The following OPA3 variants were observed in gnomAD, a reference collection of about 807,000 sequenced individuals.
OPA3 encodes the protein optic atrophy 3 protein.
In OPA3, 6 loss-of-function variants were observed where a neutral mutation model predicts 4.0. The observed-to-expected ratio is 1.51, with a 90% CI of 0.83 to 2.99. The LOEUF (loss-of-function observed/expected upper bound fraction) is 2.99. Among genes scored for constraint, OPA3 ranks in the 30% most tolerant of loss-of-function variants. The pLI is 0.00. For synonymous variants in OPA3, 105 were observed against 117.1 expected (o/e 0.90, Z 0.67); for missense variants, 235 against 256.2 (o/e 0.92, Z 0.56).
intron 1 of OPA3, among the ~76,000 whole-genome samples, chr19:45,541,115 C>G (rs933245103): frequency 1.3e-5 from 2 of 152,162 alleles, no homozygotes; most frequent in Non-Finnish European, 2.9e-5. Context: ...TCTCCCACAA[C>G]CAGAAGGCTG....
intron 1 of OPA3, among the ~76,000 whole-genome samples, chr19:45,565,167 G>A (rs1436890684): frequency 1.3e-5 from 2 of 152,166 alleles, no homozygotes; most frequent in African/African-American, 2.4e-5. Context: ...CTGGGAGGCG[G>A]AGGTTGCAGT....
At chr19:45,572,550 A>C (rs971903200) in intron 1 of OPA3, among the ~76,000 whole-genome samples, 1 of 109,974 alleles carries the variant, frequency 9.1e-6, no homozygotes, top group African/African-American at 2.9e-5. Flanking sequence ...TGATATATAT[A>C]TCATATATGG....
chr19:45,564,952 C>A (rs1442459079), intron 1 of OPA3, among the ~76,000 whole-genome samples: 2 of 152,084 alleles, frequency 1.3e-5, no homozygotes, highest in African/African-American at 4.8e-5. Context: ...CTCGGCCGGG[C>A]GTGGTGGCTC....
At chr19:45,581,552 G>C (rs2122521570) in intron 1 of OPA3, among the ~76,000 whole-genome samples, 1 of 152,340 alleles carries the variant, frequency 6.6e-6, no homozygotes, top group Middle Eastern at 3.4e-3. Flanking sequence ...GGAATTCCTT[G>C]AGGGCACAGA....
At position 45,529,285 on chromosome 19, in the gene OPA3, T is replaced by G. The variant is rs751841657; in HGVS notation, c.314A>C (p.Gln105Pro). 9.3e-6 allele frequency: 15 copies of G among 1,613,902 alleles called. No individual in the cohort carries two copies. In the East Asian group the frequency reaches 3.1e-4, roughly 34 times the overall value. ...CTTTTCCTTGCGGCGCTGCTGCAAC[T>G]GGTGGCGCCAATACTCCAGCATCAG... Residue 105 changes from glutamine to proline, a missense_variant, in exon 2 of 2, where the codon CAG becomes CCG. Gln to Pro is a moderately conservative substitution (Grantham distance 76, BLOSUM62 -1). Coordinates refer to the OPA3 transcript ENST00000323060.
chr19:45,529,663 A>T (rs1017179403), intron 1 of OPA3, among the ~76,000 whole-genome samples: 11 of 152,216 alleles, frequency 7.2e-5, no homozygotes, highest in Non-Finnish European at 1.6e-4. Flanking sequence ...TGACTTACTC[A>T]TGTGAAGGTG....
rs1051853456 is a variant in OPA3, at chr19:45,531,172, A to G, written c.143-1716T>C. On this transcript the variant is annotated intron_variant, in intron 1 of 1. Coordinates refer to the OPA3 transcript ENST00000323060. ...CTGCCTGAAATTGAAAATATAGACC[A>G]TGTAAAATATGGAGGTTATGGAAAT... 3.3e-5 allele frequency among the ~76,000 whole-genome samples: 5 copies of G among 151,794 alleles called. No homozygotes were observed. The East Asian group carries it at 7.7e-4, about 23-fold the overall frequency.
rs750946088 is a variant in OPA3 at position 45,553,552 on chromosome 19, G to C, written c.502C>G (p.Arg168Gly). 7.4e-6 allele frequency: 12 copies of C among 1,613,238 alleles called. No homozygotes were observed. The South Asian group carries it at 1.2e-4, about 16-fold the overall frequency. ...GCAGGCACTGCGTGGGAAGCGGACC[G>C]GCCGGGATTGCAGAGCTGGGCGCGC... ...EVRAQLCNPGRSASHAVPASK... is the reference protein window; with the variant it reads ...EVRAQLCNPGGSASHAVPASK... Residue 168 changes from arginine (R) to glycine (G), a missense_variant, in exon 2 of 2, where the codon CGG becomes GGG. Coordinates refer to ENST00000263275, the MANE Select transcript of OPA3 (RefSeq NM_025136.4).
chr19:45,555,478 G>C (rs868867430), intron 1 of OPA3, among the ~76,000 whole-genome samples: 2 of 142,222 alleles, frequency 1.4e-5, no homozygotes, highest in Admixed American at 1.5e-4. Context: ...TGGGACTACA[G>C]GTATGCCTGG....
In OPA3 at chr19:45,548,909, T is replaced by A. The variant is rs1414616832; in HGVS notation, c.*4605A>T. 2.9e-6 allele frequency: 1 copy of A among 340,812 alleles called. No individual in the cohort carries two copies. The highest frequency in any genetic ancestry group is 2.2e-5 in the African/African-American group (1 of 44,574). The allele number at this position is 340,812 out of a possible 1,614,324, so 21.1% of individuals were successfully genotyped here. ...ACCTCCGCCTCCCGGGTCCAAGAGA[T>A]TCTCCTGCCTCAGCCTCCCGAGTAG... is the stretch of plus-strand genomic sequence containing the variant. On this transcript the variant is annotated 3_prime_UTR_variant, in exon 2 of 2. Coordinates refer to ENST00000263275, the MANE Select transcript of OPA3 (RefSeq NM_025136.4).
In OPA3 at chr19:45,582,371, G is replaced by A. The variant is rs1012453225; in HGVS notation, c.142+2252C>T. Among the ~76,000 whole-genome samples, 3 of 151,942 alleles carry A rather than the reference G, an allele frequency of 2.0e-5. No individual in the cohort carries two copies. The South Asian group carries it at 6.2e-4, about 32-fold the overall frequency. ...GACGGGGTTTGACCATGCTGGCCAG[G>A]CTGGTTGCAAACTCCTGACCTCAGG... is the stretch of plus-strand genomic sequence containing the variant. On this transcript the variant is annotated intron_variant, in intron 1 of 1. Coordinates refer to ENST00000263275, the MANE Select transcript of OPA3 (RefSeq NM_025136.4).
Position 45,547,672 on chromosome 19 carries a change from T to C in OPA3, c.*5842A>G, listed in dbSNP as rs1483746368. ...CCTACCCTGCCTCCATTCCTCTCAG[T>C]CCTCATCACCCTATGCTGGATTAGC... On this transcript the variant is annotated 3_prime_UTR_variant, in exon 2 of 2. Coordinates refer to ENST00000263275, the MANE Select transcript of OPA3 (RefSeq NM_025136.4). The C allele has an allele frequency of 6.6e-6, 1 of 152,614 alleles. No homozygotes were observed. Among genetic ancestry groups the C allele is most frequent in the Non-Finnish European group, 1.5e-5 (1 of 68,308 alleles). 9.5% of individuals were successfully genotyped at this position (152,614 alleles called of 1,614,324 possible).
intron 1 of OPA3, among the ~76,000 whole-genome samples, chr19:45,560,167 C>T (rs1448074580): frequency 6.6e-6 from 1 of 152,150 alleles, no homozygotes; most frequent in Non-Finnish European, 1.5e-5. Flanking sequence ...CCTGAACTCT[C>T]TCCCTCCAGA....
intron 1 of OPA3, among the ~76,000 whole-genome samples, chr19:45,573,388 T>C (rs1969717559): frequency 6.6e-6 from 1 of 152,090 alleles, no homozygotes; most frequent in African/African-American, 2.4e-5. Context: ...GAGGTGGAGG[T>C]TGCGGTGAGC....
chr19:45,580,006 T>C lies in OPA3; in HGVS notation c.142+4617A>G, dbSNP rs575376145. On this transcript the variant is annotated intron_variant, in intron 1 of 1. Coordinates refer to ENST00000263275, the MANE Select transcript of OPA3 (RefSeq NM_025136.4). ...TTTTCTTTCTTTTTTTTTTTCTTTTTTTTTTTTTGATATGGAGTCTCGCTC... is the reference window on the plus strand; with the variant it reads ...TTTTCTTTCTTTTTTTTTTTCTTTTCTTTTTTTTGATATGGAGTCTCGCTC... Among the ~76,000 whole-genome samples, 219 of 147,818 alleles carry C rather than the reference T, an allele frequency of 1.5e-3. 3 individuals are homozygous for C. Among genetic ancestry groups the C allele is most frequent in the African/African-American group, 5.5e-3 (214 of 39,208 alleles).
chr19:45,584,299 CTCT>C (rs1969899186), intron 1 of OPA3: 5 of 979,532 alleles, frequency 5.1e-6, no homozygotes, highest in African/African-American at 1.8e-5. Flanking sequence ...CCCCTAGCTC[CTCT>C]ATCCTGGAAA....
At position 45,552,981 on chromosome 19, in the gene OPA3, G is replaced by A. The variant is rs1188710735; in HGVS notation, c.*533C>T. 2 of 991,928 alleles carry A rather than the reference G, an allele frequency of 2.0e-6. No homozygotes were observed. Among genetic ancestry groups the A allele is most frequent in the Admixed American group, 5.8e-5 (1 of 17,350 alleles). The allele number at this position is 991,928 out of a possible 1,614,324, so 61.4% of individuals were successfully genotyped here. A position where few individuals can be genotyped will look rare whatever the true frequency, so the allele number is the denominator to read the frequency against. On this transcript the variant is annotated 3_prime_UTR_variant, in exon 2 of 2. Transcript: ENST00000263275. ...GTGAGCCACCGCTCCCAGCCGCACC[G>A]TTTTTTTCCTCCTTAAGAGAGCACT...
rs766584469 is a variant in OPA3, at chr19:45,584,644, T to C, written c.121A>G (p.Ile41Val). The change falls in exon 1 of 2, where the codon ATC becomes GTC. Residue 41 changes from isoleucine (I) to valine (V), a missense_variant. Transcript: ENST00000263275. ...ARRSEFFKTYICLPPAQLYHW... is the reference protein window; with the variant it reads ...ARRSEFFKTYVCLPPAQLYHW... ...TCACGTTGAGCCGGCGGGAGGCAGA[T>C]ATAGGTCTTGAAGAACTCGCTTCGG... is the stretch of plus-strand genomic sequence containing the variant. 5.6e-6 allele frequency: 9 copies of C among 1,614,010 alleles called. No homozygotes were observed. Among genetic ancestry groups the C allele is most frequent in the Admixed American group, 1.7e-5 (1 of 59,996 alleles).
rs984929722 is a variant in OPA3 at position 45,559,393 on chromosome 19, CTTTCTTTTTTTTTTTTTTT to C, written c.143-5501_143-5483del. On this transcript the variant is annotated intron_variant, in intron 1 of 1. Coordinates refer to ENST00000263275, the MANE Select transcript of OPA3 (RefSeq NM_025136.4). ...TTCTCTCTCTTCTTTCCCTCTTTTT[CTTTCTTTTTTTTTTTTTTT>C]TTTTTTTGAGATGGAGTCTCGCCAT... Among the ~76,000 whole-genome samples, 825 of 97,848 alleles carry C rather than the reference CTTTCTTTTTTTTTTTTTTT, an allele frequency of 8.4e-3. 15 individuals are homozygous for C. The highest frequency in any genetic ancestry group is 0.033 in the African/African-American group (786 of 24,116). 64.2% of individuals were successfully genotyped at this position (97,848 alleles called of 152,430 possible).
Sources: gnomAD v4.1 joint callset for allele counts (sites outside exome capture counted in the v4.1 genomes callset) on GRCh38, gnomAD v4.1.1 for gene constraint, MANE v1.5 for transcripts, NCBI Gene and HGNC (gene_info 2026-07-23, HGNC 2026-07-21) for gene names.